Variants in GALNT13 observed in about 807,000 individuals in gnomAD.
The protein encoded by GALNT13 is UDP-GalNAc:polypeptide N-acetylgalactosaminyltransferase 13.
A neutral mutation model predicts 64.2 loss-of-function variants in GALNT13; 28 were observed. The observed-to-expected ratio is 0.44, with a 90% confidence interval of 0.32 to 0.60. The LOEUF is 0.60. GALNT13 is among the 20% of genes least tolerant of loss of function. The pLI is 0.05. For synonymous variants in GALNT13, 214 were observed against 224.6 expected, an observed-to-expected ratio of 0.95 and a Z score of 0.42; for missense variants, 577 against 669.8, an observed-to-expected ratio of 0.86 and a Z score of 1.53.
chr2:154,075,921 A>C (rs946206391), intron 3 of GALNT13, among the ~76,000 whole-genome samples: 1 of 151,688 alleles, frequency 6.6e-6, no homozygotes, highest in Non-Finnish European at 1.5e-5. Flanking sequence ...TTACATATAT[A>C]TACATATACA....
chr2:154,340,535 G>C (rs977067493), intron 9 of GALNT13, among the ~76,000 whole-genome samples: 1 of 151,972 alleles, frequency 6.6e-6, no homozygotes, highest in Non-Finnish European at 1.5e-5. Context: ...ATTATTCCGT[G>C]TGTTGCCTGA....
chr2:153,166,621 ATGTGTGTGTGTGTGTGTGTGTGTGTGTG>A, the GALNT13 span, among the ~76,000 whole-genome samples: 1 of 122,662 alleles, frequency 8.2e-6, no homozygotes, highest in African/African-American at 3.3e-5. Context: ...TGCCTACTGC[ATGTGTGTGTGTGTGTGTGTGTGTGTGTG>A]TGTGTGTGTG....
chr2:153,912,997 G>T (rs1351814440), intron 2 of GALNT13, among the ~76,000 whole-genome samples: 1 of 152,134 alleles, frequency 6.6e-6, no homozygotes, highest in Non-Finnish European at 1.5e-5. Flanking sequence ...AGTGGTGATG[G>T]CAGTATTACT....
At chr2:153,816,619 T>C in the GALNT13 span, among the ~76,000 whole-genome samples, 5 of 133,130 alleles carry the variant, frequency 3.8e-5, no homozygotes, top group Admixed American at 3.5e-4. Flanking sequence ...ATAGATTAGA[T>C]AGATATATTA....
chr2:153,488,247 C>A, the GALNT13 span, among the ~76,000 whole-genome samples: 2 of 152,190 alleles, frequency 1.3e-5, no homozygotes, highest in African/African-American at 4.8e-5. Context: ...GAAGGCACTT[C>A]CGCCTGGGGA....
chr2:154,156,233 T>C (rs769758979), intron 4 of GALNT13, among the ~76,000 whole-genome samples: 2 of 152,066 alleles, frequency 1.3e-5, no homozygotes, highest in Non-Finnish European at 1.5e-5. Context: ...TCATACTATA[T>C]AAAATGGCGT....
At chr2:154,432,817 T>C (rs1327598457) in intron 11 of GALNT13, among the ~76,000 whole-genome samples, 1 of 152,188 alleles carries the variant, frequency 6.6e-6, no homozygotes, top group African/African-American at 2.4e-5. Context: ...ACTATCTCCA[T>C]AAGTGTGCAC....
At chr2:153,659,058 G>T in the GALNT13 span, among the ~76,000 whole-genome samples, 2 of 151,866 alleles carry the variant, frequency 1.3e-5, no homozygotes, top group East Asian at 1.9e-4. Context: ...AAATAAAAAG[G>T]ACTGAGAACT....
the GALNT13 span, among the ~76,000 whole-genome samples, chr2:153,070,685 C>A: frequency 6.6e-6 from 1 of 152,172 alleles, no homozygotes. Context: ...TTGTGCCCTG[C>A]AGTACATATG....
At chr2:153,471,037 A>T in the GALNT13 span, among the ~76,000 whole-genome samples, 1 of 152,170 alleles carries the variant, frequency 6.6e-6, no homozygotes, top group Non-Finnish European at 1.5e-5. Flanking sequence ...AGCTTTGCGT[A>T]TGCTACCTGA....
chr2:153,952,206 C>CA (rs1398486288), intron 3 of GALNT13, among the ~76,000 whole-genome samples: 1 of 152,106 alleles, frequency 6.6e-6, no homozygotes, highest in Admixed American at 6.5e-5. Context: ...CCAATGATGC[C>CA]ACAGTGCACC....
At chr2:153,554,643 C>T in the GALNT13 span, among the ~76,000 whole-genome samples, 1 of 146,764 alleles carries the variant, frequency 6.8e-6, no homozygotes, top group Non-Finnish European at 1.5e-5. Context: ...TCCAGAAACC[C>T]GGGATGCTGT....
chr2:153,295,999 A>T, the GALNT13 span, among the ~76,000 whole-genome samples: 22,372 of 152,216 alleles, frequency 0.15, 2,107 homozygotes, highest in Non-Finnish European at 0.21. Context: ...GCTACACATT[A>T]GAGCGCCCAC....
chr2:153,750,855 G>A, the GALNT13 span, among the ~76,000 whole-genome samples: 1,551 of 151,282 alleles, frequency 0.01, 24 homozygotes, highest in African/African-American at 0.034. Flanking sequence ...TTCTAATTTT[G>A]GGTTTGGTTT....
At chr2:153,784,661 C>T in the GALNT13 span, among the ~76,000 whole-genome samples, 1 of 152,166 alleles carries the variant, frequency 6.6e-6, no homozygotes, top group Admixed American at 6.5e-5. Context: ...GGCTGCAACT[C>T]TGGCAAAGTA....
the GALNT13 span, among the ~76,000 whole-genome samples, chr2:153,329,586 T>A: frequency 1.2e-4 from 18 of 152,228 alleles, no homozygotes; most frequent in Non-Finnish European, 1.0e-4. Context: ...TTTTGAGAAA[T>A]GTCTGTTCAT....
At chr2:153,191,244 TC>T in the GALNT13 span, among the ~76,000 whole-genome samples, 1 of 151,380 alleles carries the variant, frequency 6.6e-6, no homozygotes, top group African/African-American at 2.4e-5. Context: ...TAAACTATCT[TC>T]CTTCTATTCC....
At chr2:153,548,967 C>T in the GALNT13 span, among the ~76,000 whole-genome samples, 184 of 152,198 alleles carry the variant, frequency 1.2e-3, 1 homozygote, top group Non-Finnish European at 4.6e-4. Flanking sequence ...ATAATATGAA[C>T]GACCTTTGAA....
chr2:153,415,498 T>C, the GALNT13 span, among the ~76,000 whole-genome samples: 1 of 152,324 alleles, frequency 6.6e-6, no homozygotes, highest in South Asian at 2.1e-4. Context: ...CTGTGTTAAA[T>C]CTTACTTGAT....
Sources: gnomAD v4.1 joint callset for allele counts (sites outside exome capture counted in the v4.1 genomes callset) on GRCh38, gnomAD v4.1.1 for gene constraint, MANE v1.5 for transcripts, NCBI Gene and HGNC (gene_info 2026-07-23, HGNC 2026-07-21) for gene names.